DNM3: variants seen among roughly 807,000 people sequenced by gnomAD.
DNM3 encodes dynamin-3.
DNM3 carries 47 observed loss-of-function variants against 101.6 expected under a neutral mutation model. The ratio of observed to expected loss-of-function variants is 0.46; its 90% CI spans 0.37 to 0.59. The LOEUF (loss-of-function observed/expected upper bound fraction) is 0.59. Ranked by LOEUF, DNM3 falls within the 20% of genes least tolerant of loss-of-function variation. The probability of loss-of-function intolerance (pLI) is 0.00; values close to 1 mark genes in which losing one functional copy is unlikely to be tolerated. For synonymous variants in DNM3, 385 were observed against 387.9 expected, an observed-to-expected ratio of 0.99 and a Z score of 0.09; for missense variants, 849 against 1,085.7, an observed-to-expected ratio of 0.78 and a Z score of 3.06.
At chr1:172,006,917 G>T (rs1009154145) in intron 4 of DNM3, among the ~76,000 whole-genome samples, 6 of 152,058 alleles carry the variant, frequency 3.9e-5, no homozygotes, top group African/African-American at 7.2e-5. Flanking sequence ...CATACACTAA[G>T]TACTCTTTGT....
chr1:171,895,886 T>G (rs905201173), intron 1 of DNM3, among the ~76,000 whole-genome samples: 1 of 152,254 alleles, frequency 6.6e-6, no homozygotes, highest in African/African-American at 2.4e-5. Context: ...CACCATTTAT[T>G]AAATAGGGAA....
rs959781100 is a variant in DNM3 at position 172,103,604 on chromosome 1, G to T, written c.1545+10729G>T. 8.5e-5 allele frequency among the ~76,000 whole-genome samples: 13 copies of T among 152,252 alleles called. No individual in the cohort carries two copies. In the East Asian group the frequency reaches 1.2e-3, roughly 14 times the overall value. On this transcript the variant is annotated intron_variant, in intron 13 of 20. Transcript: ENST00000627582. ...GTTCATAGACCCAACAACTATATAT[G>T]TAAGTACCTCAATCCCCAGTACTGG...
At chr1:172,078,537 C>T (rs1456023350) in intron 11 of DNM3, among the ~76,000 whole-genome samples, 1 of 151,936 alleles carries the variant, frequency 6.6e-6, no homozygotes, top group Non-Finnish European at 1.5e-5. Flanking sequence ...GATGGGTCTC[C>T]CGAATTACAG....
At position 172,411,538 on chromosome 1, in the gene DNM3, T is replaced by TG; in HGVS notation, c.*3697_*3698insG. ...AGTCATTTTTCCTCTATGGTAGAAG[T>TG]AAAAAAAAAAAAAAAGGACATAGCA... On this transcript the variant is annotated 3_prime_UTR_variant, in exon 21 of 21. Coordinates refer to ENST00000627582, the MANE Select transcript of DNM3 (RefSeq NM_015569.5). The TG allele has an allele frequency of 1.1e-6, 1 of 933,058 alleles. No homozygotes were observed. The highest frequency in any genetic ancestry group is 1.3e-6 in the Non-Finnish European group (1 of 795,052). 57.8% of individuals were successfully genotyped at this position (933,058 alleles called of 1,614,324 possible). A position where few individuals can be genotyped will look rare whatever the true frequency, so the allele number is the denominator to read the frequency against.
chr1:172,345,552 A>C (rs927045455), intron 17 of DNM3, among the ~76,000 whole-genome samples: 5 of 152,230 alleles, frequency 3.3e-5, no homozygotes, highest in Non-Finnish European at 7.3e-5. Context: ...AATCTAAATC[A>C]CACATACATA....
intron 17 of DNM3, among the ~76,000 whole-genome samples, chr1:172,368,081 A>C (rs2068121036): frequency 6.6e-6 from 1 of 151,880 alleles, no homozygotes; most frequent in South Asian, 2.1e-4. Flanking sequence ...GCATAAAATC[A>C]ACAAAGATAC....
chr1:172,407,321 G>C (rs992480904), intron 20 of DNM3, among the ~76,000 whole-genome samples: 10 of 151,862 alleles, frequency 6.6e-5, no homozygotes, highest in African/African-American at 2.4e-4. Context: ...ACAAATTGGA[G>C]AAAGTCAAAA....
At chr1:171,904,787 G>A (rs936516890) in intron 1 of DNM3, among the ~76,000 whole-genome samples, 3 of 152,144 alleles carry the variant, frequency 2.0e-5, no homozygotes, top group Non-Finnish European at 4.4e-5. Context: ...GATATCCATG[G>A]TGAAGGTCCT....
intron 10 of DNM3, among the ~76,000 whole-genome samples, chr1:172,052,312 G>A (rs1441521717): frequency 6.6e-6 from 1 of 152,062 alleles, no homozygotes; most frequent in Non-Finnish European, 1.5e-5. Context: ...CTTAGAGGAT[G>A]TACTCTTTTT....
At chr1:171,978,028 C>T (rs1365047412) in intron 2 of DNM3, among the ~76,000 whole-genome samples, 1 of 152,142 alleles carries the variant, frequency 6.6e-6, no homozygotes, top group Non-Finnish European at 1.5e-5. Flanking sequence ...AAACCTCAAG[C>T]CTCCTCCAAG....
At chr1:172,193,581 A>C (rs2059823444) in intron 14 of DNM3, among the ~76,000 whole-genome samples, 1 of 152,048 alleles carries the variant, frequency 6.6e-6, no homozygotes, top group Non-Finnish European at 1.5e-5. Flanking sequence ...CTCCTGGTTT[A>C]GTCTTGGGAG....
intron 4 of DNM3, 91 bp from the exon 5 acceptor site, chr1:172,032,311 A>G (rs2048666246): frequency 2.2e-6 from 2 of 928,996 alleles, no homozygotes; most frequent in Admixed American, 3.8e-5. Flanking sequence ...GGACCAGGAA[A>G]ATGTGCTTTA....
chr1:172,389,906 C>T (rs529598934), intron 20 of DNM3, among the ~76,000 whole-genome samples: 30 of 152,296 alleles, frequency 2.0e-4, no homozygotes, highest in African/African-American at 7.2e-4. Flanking sequence ...AGGAGATTTG[C>T]AGTCAGAAGA....
chr1:172,235,084 T>C (rs532914085), intron 14 of DNM3, among the ~76,000 whole-genome samples: 1 of 151,976 alleles, frequency 6.6e-6, no homozygotes, highest in East Asian at 1.9e-4. Context: ...TGGGAGAAAA[T>C]TTTTGCAATC....
intron 1 of DNM3, among the ~76,000 whole-genome samples, chr1:171,887,099 C>T (rs186420327): frequency 7.2e-4 from 109 of 152,258 alleles, no homozygotes; most frequent in African/African-American, 2.6e-3. Flanking sequence ...TACCTGTGGG[C>T]TGTGGACAAA....
chr1:172,352,696 G>T (rs538433563), intron 17 of DNM3, among the ~76,000 whole-genome samples: 38 of 152,136 alleles, frequency 2.5e-4, no homozygotes, highest in African/African-American at 8.9e-4. Flanking sequence ...GGAAAAAGTT[G>T]TTACCTCTTT....
intron 15 of DNM3, among the ~76,000 whole-genome samples, chr1:172,277,912 G>A (rs1225239774): frequency 1.3e-5 from 2 of 152,038 alleles, no homozygotes; most frequent in Admixed American, 1.3e-4. Context: ...AGCCCTGAGA[G>A]GTGGTACAGA....
intron 4 of DNM3, among the ~76,000 whole-genome samples, chr1:172,006,141 C>A (rs537421946): frequency 6.6e-6 from 1 of 152,114 alleles, no homozygotes; most frequent in South Asian, 2.1e-4. Flanking sequence ...CCTCACAGTC[C>A]CAAGTCCACA....
chr1:171,955,955 T>C (rs760265757), intron 2 of DNM3, among the ~76,000 whole-genome samples: 2 of 152,164 alleles, frequency 1.3e-5, no homozygotes, highest in Non-Finnish European at 2.9e-5. Flanking sequence ...ATGAGGCTTC[T>C]TCACTATCAC....
Sources: gnomAD v4.1 joint callset for allele counts (sites outside exome capture counted in the v4.1 genomes callset) on GRCh38, gnomAD v4.1.1 for gene constraint, MANE v1.5 for transcripts, NCBI Gene and HGNC (gene_info 2026-07-23, HGNC 2026-07-21) for gene names.